SNTG1: variants seen among roughly 807,000 people sequenced by gnomAD.
The protein encoded by SNTG1 is gamma-1-syntrophin.
Under a neutral mutation model 74.7 loss-of-function variants are expected in SNTG1, and 39 were observed. That is an observed-to-expected ratio of 0.52 (90% confidence interval 0.40 to 0.68). SNTG1 has a LOEUF of 0.68. SNTG1 is among the 30% of genes least tolerant of loss of function. The pLI is 0.00. For missense variants in SNTG1, 685 were observed against 609.5 expected (o/e 1.12, Z -1.30); for synonymous variants, 254 against 217.1 (o/e 1.17, Z -1.49).
chr8:50,573,214 A>T (rs1008478735), intron 12 of SNTG1, among the ~76,000 whole-genome samples: 1 of 152,122 alleles, frequency 6.6e-6, no homozygotes, highest in Non-Finnish European at 1.5e-5. Flanking sequence ...AGGTCATCAA[A>T]GAGAATATTA....
chr8:49,914,019 T>C (rs1256561250), intron 1 of SNTG1, among the ~76,000 whole-genome samples: 1 of 152,184 alleles, frequency 6.6e-6, no homozygotes, highest in Non-Finnish European at 1.5e-5. Context: ...GTAACTCTAA[T>C]TCACCCCAAA....
chr8:50,728,777 C>G (rs542935981), intron 17 of SNTG1, among the ~76,000 whole-genome samples: 1 of 152,124 alleles, frequency 6.6e-6, no homozygotes, highest in African/African-American at 2.4e-5. Context: ...GCTTTTTCCT[C>G]GGACCCCTTT....
intron 9 of SNTG1, among the ~76,000 whole-genome samples, chr8:50,512,392 T>G (rs1283824144): frequency 6.6e-6 from 1 of 152,114 alleles, no homozygotes; most frequent in Non-Finnish European, 1.5e-5. Context: ...CAATTATGTG[T>G]CTTGGAGTTG....
chr8:50,110,697 T>C (rs1281294897), intron 1 of SNTG1, among the ~76,000 whole-genome samples: 1 of 152,120 alleles, frequency 6.6e-6, no homozygotes, highest in Non-Finnish European at 1.5e-5. Flanking sequence ...TTAGTACACA[T>C]TGTAACATTT....
chr8:50,763,692 G>GTGTGTGTGTGTGTGT (rs1563817376), intron 18 of SNTG1, among the ~76,000 whole-genome samples: 1 of 133,150 alleles, frequency 7.5e-6, no homozygotes, highest in Non-Finnish European at 1.6e-5. Context: ...GTGTGTGTGT[G>GTGTGTGTGTGTGTGT]GTTTTAAGAG....
chr8:50,187,798 A>G (rs2083436657), intron 2 of SNTG1, among the ~76,000 whole-genome samples: 1 of 152,156 alleles, frequency 6.6e-6, no homozygotes, highest in African/African-American at 2.4e-5. Context: ...AGGGAAAGCA[A>G]ATCAATACCT....
At chr8:50,437,483 A>G (rs1223414925) in intron 4 of SNTG1, among the ~76,000 whole-genome samples, 1 of 152,178 alleles carries the variant, frequency 6.6e-6, no homozygotes, top group African/African-American at 2.4e-5. Flanking sequence ...AATTTTCACT[A>G]GTTCTTTTAA....
chr8:50,009,852 C>A (rs938414787), intron 1 of SNTG1, among the ~76,000 whole-genome samples: 1 of 151,996 alleles, frequency 6.6e-6, no homozygotes, highest in South Asian at 2.1e-4. Context: ...ACAGAAAATT[C>A]TCTGGGCACG....
intron 8 of SNTG1, among the ~76,000 whole-genome samples, chr8:50,501,486 A>T (rs1385390933): frequency 8.8e-6 from 1 of 113,690 alleles, no homozygotes. Flanking sequence ...CCCAGGCTGG[A>T]GTGCAGAGGT....
chr8:50,381,254 A>G (rs886255397), intron 2 of SNTG1, among the ~76,000 whole-genome samples: 2 of 152,062 alleles, frequency 1.3e-5, no homozygotes, highest in African/African-American at 4.8e-5. Flanking sequence ...CTAGATAATG[A>G]TTAACCAATA....
chr8:50,472,694 CT>C (rs1427532158), intron 8 of SNTG1, among the ~76,000 whole-genome samples: 1 of 152,048 alleles, frequency 6.6e-6, no homozygotes, highest in African/African-American at 2.4e-5. Context: ...TGAAAAACTT[CT>C]GTGCATCAAA....
chr8:50,707,125 T>G (rs560331816), intron 16 of SNTG1, among the ~76,000 whole-genome samples: 1 of 152,192 alleles, frequency 6.6e-6, no homozygotes, highest in East Asian at 1.9e-4. Context: ...TGAGTCTCAA[T>G]TTATAGCACA....
intron 2 of SNTG1, among the ~76,000 whole-genome samples, chr8:50,314,220 C>G (rs1429038195): frequency 6.7e-6 from 1 of 149,106 alleles, no homozygotes; most frequent in East Asian, 2.0e-4. Context: ...TGAGTTGATT[C>G]TTTCATCTTT....
intron 1 of SNTG1, among the ~76,000 whole-genome samples, chr8:50,154,655 T>C (rs920678022): frequency 1.3e-5 from 2 of 152,200 alleles, no homozygotes; most frequent in African/African-American, 4.8e-5. Flanking sequence ...CAAAAATCTT[T>C]AAACCTAGTC....
chr8:50,613,048 C>G (rs1401349496), intron 13 of SNTG1, among the ~76,000 whole-genome samples: 1 of 151,988 alleles, frequency 6.6e-6, no homozygotes, highest in Non-Finnish European at 1.5e-5. Context: ...AAAAAGTGCC[C>G]CACTTACTAA....
chr8:50,542,913 C>A (rs1057044171), intron 11 of SNTG1, among the ~76,000 whole-genome samples: 1 of 152,144 alleles, frequency 6.6e-6, no homozygotes, highest in African/African-American at 2.4e-5. Context: ...CTGTTCAAAT[C>A]TTCTGCCCAT....
Position 50,481,195 on chromosome 8 carries a change from A to G in SNTG1, c.364-21583A>G, listed in dbSNP as rs144845753. Among the ~76,000 whole-genome samples the G allele has an allele frequency of 9.9e-3, 1,508 of 152,338 alleles. 9 individuals carry two copies. Among genetic ancestry groups the G allele is most frequent in the Non-Finnish European group, 0.014 (920 of 68,028 alleles). On this transcript the variant is annotated intron_variant, in intron 8 of 18. Transcript: ENST00000642720. ...CAGGAGATTGAGACCATCCTGGCCA[A>G]CATGGTGAAATCCCGTCTCTATTAA... is the stretch of plus-strand genomic sequence containing the variant.
chr8:50,744,391 C>G (rs2095550571), intron 17 of SNTG1, among the ~76,000 whole-genome samples: 1 of 151,834 alleles, frequency 6.6e-6, no homozygotes, highest in South Asian at 2.1e-4. Flanking sequence ...AGGTGAAAGT[C>G]TTGTATACTA....
At chr8:50,429,936 T>A (rs532067876) in intron 4 of SNTG1, among the ~76,000 whole-genome samples, 1 of 152,282 alleles carries the variant, frequency 6.6e-6, no homozygotes, top group African/African-American at 2.4e-5. Context: ...AGGGTGGCTA[T>A]AATCACAAAG....
Sources: gnomAD v4.1 joint callset for allele counts (sites outside exome capture counted in the v4.1 genomes callset) on GRCh38, gnomAD v4.1.1 for gene constraint, MANE v1.5 for transcripts, NCBI Gene and HGNC (gene_info 2026-07-23, HGNC 2026-07-21) for gene names.